VKORC1L1: variants seen among roughly 807,000 people sequenced by gnomAD.
The protein encoded by VKORC1L1 is vitamin K epoxide reductase complex subunit 1L1, also known as vitamin K epoxide reductase complex subunit 1-like protein 1.
VKORC1L1 carries 2 observed loss-of-function variants against 18.9 expected under a neutral mutation model. The observed-to-expected ratio is 0.11, with a 90% CI of 0.04 to 0.33. The LOEUF (loss-of-function observed/expected upper bound fraction) is 0.33, where lower values mean the gene tolerates loss of function less well. VKORC1L1 is among the 10% of genes least tolerant of loss of function. The probability of loss-of-function intolerance (pLI) is 1.00; values close to 1 mark genes in which losing one functional copy is unlikely to be tolerated. For missense variants in VKORC1L1, 123 were observed against 224.1 expected, an observed-to-expected ratio of 0.55 and a Z score of 2.88; for synonymous variants, 96 against 100.0, an observed-to-expected ratio of 0.96 and a Z score of 0.24.
intron 1 of VKORC1L1, among the ~76,000 whole-genome samples, chr7:65,899,738 G>GCCTGTAAT: frequency 6.6e-6 from 1 of 152,258 alleles, no homozygotes; most frequent in Non-Finnish European, 1.5e-5. Flanking sequence ...GGTGGCTCAC[G>GCCTGTAAT]CCTGTAATCC....
intron 1 of VKORC1L1, among the ~76,000 whole-genome samples, chr7:65,875,531 C>T (rs1472697062): frequency 1.3e-5 from 2 of 152,060 alleles, no homozygotes; most frequent in Admixed American, 6.6e-5. Context: ...CATTCTCCTG[C>T]CTCAGCCTCC....
chr7:65,954,529 C>A lies in VKORC1L1; in HGVS notation c.*229C>A. 1.4e-6 allele frequency: 1 copy of A among 720,340 alleles called. No individual in the cohort carries two copies. Among genetic ancestry groups the A allele is most frequent in the Non-Finnish European group, 2.1e-6 (1 of 484,784 alleles). The allele number at this position is 720,340 out of a possible 1,614,324, so 44.6% of individuals were successfully genotyped here. ...AAGGATACGCCGAGCCAATCAAAGACAAGCTTTAACTTTACTTTGAAGTGT... is the reference window on the plus strand; with the variant it reads ...AAGGATACGCCGAGCCAATCAAAGAAAAGCTTTAACTTTACTTTGAAGTGT... On this transcript the variant is annotated 3_prime_UTR_variant, in exon 3 of 3. Coordinates refer to ENST00000360768, the MANE Select transcript of VKORC1L1 (RefSeq NM_173517.6).
intron 1 of VKORC1L1, among the ~76,000 whole-genome samples, chr7:65,909,135 C>A (rs1278180050): frequency 6.6e-5 from 8 of 120,744 alleles, no homozygotes; most frequent in Non-Finnish European, 1.4e-4. Context: ...AGCCACCACG[C>A]CCAGCCTAAT....
chr7:65,936,218 A>G (rs1324063372), intron 1 of VKORC1L1, among the ~76,000 whole-genome samples: 1 of 151,988 alleles, frequency 6.6e-6, no homozygotes, highest in East Asian at 1.9e-4. Context: ...CTTATGGAAC[A>G]TAGATGTAAT....
intron 1 of VKORC1L1, among the ~76,000 whole-genome samples, chr7:65,878,301 G>A (rs532919314): frequency 6.6e-6 from 1 of 152,026 alleles, no homozygotes; most frequent in Non-Finnish European, 1.5e-5. Context: ...CAAAAAATTA[G>A]CCGGGCATGG....
chr7:65,920,140 G>A (rs779574773), intron 1 of VKORC1L1, among the ~76,000 whole-genome samples: 1 of 151,908 alleles, frequency 6.6e-6, no homozygotes, highest in African/African-American at 2.4e-5. Context: ...TCACCTCAGC[G>A]AGGCCTCCTC....
chr7:65,945,068 C>CT, intron 1 of VKORC1L1, among the ~76,000 whole-genome samples: 1 of 151,750 alleles, frequency 6.6e-6, no homozygotes, highest in South Asian at 2.1e-4. Flanking sequence ...CAAGACCAGT[C>CT]TGGCCAACAT....
At chr7:65,942,746 A>G (rs993215685) in intron 1 of VKORC1L1, among the ~76,000 whole-genome samples, 6 of 151,650 alleles carry the variant, frequency 4.0e-5, no homozygotes, top group Non-Finnish European at 7.4e-5. Flanking sequence ...GGCTGGTCTC[A>G]AACTCCTGAC....
intron 1 of VKORC1L1, among the ~76,000 whole-genome samples, chr7:65,916,798 A>G (rs922038321): frequency 6.6e-6 from 1 of 152,004 alleles, no homozygotes; most frequent in Non-Finnish European, 1.5e-5. Flanking sequence ...GGGTTTCTCC[A>G]TGTTGGTCAG....
At chr7:65,913,483 T>C (rs904456219) in intron 1 of VKORC1L1, among the ~76,000 whole-genome samples, 10 of 151,894 alleles carry the variant, frequency 6.6e-5, no homozygotes, top group Admixed American at 3.3e-4. Flanking sequence ...ATCCATACTT[T>C]GGGAGGTCGA....
chr7:65,871,035 C>T (rs978253084), upstream of VKORC1L1, among the ~76,000 whole-genome samples: 1 of 152,194 alleles, frequency 6.6e-6, no homozygotes, highest in Non-Finnish European at 1.5e-5. Flanking sequence ...ATCCTCCTGC[C>T]TCAGCCTCTC....
the VKORC1L1 span, among the ~76,000 whole-genome samples, chr7:65,867,706 C>T: frequency 3.9e-5 from 6 of 152,112 alleles, no homozygotes; most frequent in South Asian, 1.2e-3. Flanking sequence ...GCAAGCATCC[C>T]AGGAAGACCA....
intron 1 of VKORC1L1, among the ~76,000 whole-genome samples, chr7:65,945,913 C>G (rs1790112690): frequency 6.7e-6 from 1 of 149,220 alleles, no homozygotes; most frequent in African/African-American, 2.5e-5. Context: ...ATTTCTGTTG[C>G]CAAAGGCAGT....
At chr7:65,900,022 C>T (rs1414165914) in intron 1 of VKORC1L1, among the ~76,000 whole-genome samples, 5 of 144,692 alleles carry the variant, frequency 3.5e-5, no homozygotes, top group East Asian at 2.0e-4. Flanking sequence ...TAGCTTTGTG[C>T]GTGTGTGCAT....
intron 1 of VKORC1L1, among the ~76,000 whole-genome samples, chr7:65,935,985 A>G (rs1412823384): frequency 6.6e-6 from 1 of 150,748 alleles, no homozygotes; most frequent in Non-Finnish European, 1.5e-5. Flanking sequence ...TTTTTTTTTT[A>G]ACATGTTTTT....
chr7:65,874,882 C>G (rs1175558850), intron 1 of VKORC1L1, among the ~76,000 whole-genome samples: 2 of 152,076 alleles, frequency 1.3e-5, no homozygotes, highest in Non-Finnish European at 2.9e-5. Flanking sequence ...AGCATACACT[C>G]TAAATATTCT....
At chr7:65,914,724 G>C (rs1351656619) in intron 1 of VKORC1L1, among the ~76,000 whole-genome samples, 2 of 152,086 alleles carry the variant, frequency 1.3e-5, no homozygotes, top group Non-Finnish European at 2.9e-5. Context: ...CTCTGGCTGG[G>C]TGTTGTGTCT....
At chr7:65,939,777 CA>C in intron 1 of VKORC1L1, among the ~76,000 whole-genome samples, 1 of 152,296 alleles carries the variant, frequency 6.6e-6, no homozygotes, top group African/African-American at 2.4e-5. Flanking sequence ...ACAGTGGTGT[CA>C]GGGCCTAGCT....
chr7:65,950,957 G>A (rs1790202561), intron 2 of VKORC1L1, among the ~76,000 whole-genome samples: 1 of 152,168 alleles, frequency 6.6e-6, no homozygotes, highest in South Asian at 2.1e-4. Flanking sequence ...TTCCTTTAAA[G>A]GCAAAGAACC....
Sources: allele counts gnomAD v4.1 joint callset (sites outside exome capture counted in the v4.1 genomes callset), GRCh38; gene constraint gnomAD v4.1.1; transcripts MANE v1.5; gene names NCBI Gene and HGNC (gene_info 2026-07-23, HGNC 2026-07-21).